RFC3: variants seen among roughly 807,000 people sequenced by gnomAD.
RFC3 encodes A1 38 kDa subunit.
Under a neutral mutation model 45.1 loss-of-function variants are expected in RFC3, and 41 were observed. That is an observed-to-expected ratio of 0.91 (90% CI 0.71 to 1.18). The LOEUF is 1.18. Among genes scored for constraint, RFC3 ranks in the 50% most tolerant of loss-of-function variants. RFC3 has a pLI of 0.00. For synonymous variants in RFC3, 149 were observed against 144.0 expected (o/e 1.03, Z -0.25); for missense variants, 423 against 428.1 (o/e 0.99, Z 0.10).
At chr13:33,965,327 T>A (rs191612691) in intron 8 of RFC3, among the ~76,000 whole-genome samples, 1 of 152,326 alleles carries the variant, frequency 6.6e-6, no homozygotes, top group East Asian at 1.9e-4. Context: ...ATTCTAATAC[T>A]GTATTTTTAT....
intron 8 of RFC3, among the ~76,000 whole-genome samples, chr13:33,873,375 G>A (rs1241196744): frequency 1.3e-5 from 2 of 152,198 alleles, no homozygotes; most frequent in Non-Finnish European, 2.9e-5. Flanking sequence ...ACCTGATAAA[G>A]TGGAAGATTA....
At chr13:33,972,071 G>A in the RFC3 span, among the ~76,000 whole-genome samples, 14 of 152,168 alleles carry the variant, frequency 9.2e-5, no homozygotes, top group African/African-American at 2.9e-4. Flanking sequence ...AGCCGAGATC[G>A]CACCACGGCA....
At chr13:33,923,605 C>T (rs1418938036) in intron 8 of RFC3, among the ~76,000 whole-genome samples, 1 of 152,034 alleles carries the variant, frequency 6.6e-6, no homozygotes, top group Non-Finnish European at 1.5e-5. Flanking sequence ...GGATTTTGAA[C>T]ATAGGGCTTG....
chr13:33,872,878 T>C (rs1593655503), intron 8 of RFC3, among the ~76,000 whole-genome samples: 1 of 141,878 alleles, frequency 7.0e-6, no homozygotes, highest in South Asian at 2.4e-4. Context: ...TCATTGGTGA[T>C]TGTTTCTCTC....
At chr13:33,969,910 G>T (rs60647673), downstream of RFC3, among the ~76,000 whole-genome samples, 665 of 130,366 alleles carry the variant, frequency 5.1e-3, 7 homozygotes, top group African/African-American at 0.016. Context: ...TGTCAGATTT[G>T]TTTTTTTTTT....
At chr13:33,892,552 G>A (rs1258495544) in intron 8 of RFC3, among the ~76,000 whole-genome samples, 1 of 151,892 alleles carries the variant, frequency 6.6e-6, no homozygotes, top group African/African-American at 2.4e-5. Flanking sequence ...CTTAAGATTT[G>A]TTACCTCACC....
Position 33,853,475 on chromosome 13 carries a change from A to G in RFC3, c.879+18258A>G, listed in dbSNP as rs370158981. On this transcript the variant is annotated intron_variant, in intron 8 of 8. Coordinates refer to the RFC3 transcript ENST00000434425. Reference sequence around the variant, plus strand: ...TGCCTGCAACTGGTTGCCTCCAATTATCCCATTTGCTCAAGAAAAGAAAAA... The same window carrying G: ...TGCCTGCAACTGGTTGCCTCCAATTGTCCCATTTGCTCAAGAAAAGAAAAA... Among the ~76,000 whole-genome samples the G allele has an allele frequency of 7.9e-5, 12 of 152,332 alleles. No homozygotes were observed. The South Asian group carries it at 2.3e-3, about 29-fold the overall frequency.
At chr13:33,882,941 T>C (rs2082495019) in intron 8 of RFC3, among the ~76,000 whole-genome samples, 1 of 152,234 alleles carries the variant, frequency 6.6e-6, no homozygotes, top group South Asian at 2.1e-4. Context: ...TTGTGTCCAT[T>C]TTTATTCCTT....
intron 8 of RFC3, among the ~76,000 whole-genome samples, chr13:33,900,223 C>T (rs572302562): frequency 6.6e-6 from 1 of 151,992 alleles, no homozygotes; most frequent in Non-Finnish European, 1.5e-5. Context: ...ACAGCTAAAG[C>T]AATCCCGAGA....
intron 2 of RFC3, among the ~76,000 whole-genome samples, chr13:33,822,957 A>G (rs1031383192): frequency 5.3e-5 from 8 of 152,198 alleles, no homozygotes; most frequent in African/African-American, 1.9e-4. Context: ...ATTTTTACAA[A>G]TTGGCAACAG....
chr13:33,860,561 G>A (rs188873188), intron 8 of RFC3, among the ~76,000 whole-genome samples: 9 of 151,988 alleles, frequency 5.9e-5, no homozygotes, highest in Admixed American at 5.9e-4. Context: ...CTTTGGATGT[G>A]TTTTTGCTTA....
intron 8 of RFC3, among the ~76,000 whole-genome samples, chr13:33,934,036 A>G (rs924455502): frequency 6.6e-6 from 1 of 152,072 alleles, no homozygotes; most frequent in African/African-American, 2.4e-5. Context: ...GAAAGGAAAG[A>G]GAAATTAAAT....
chr13:33,876,017 C>T (rs1308764775), intron 8 of RFC3, among the ~76,000 whole-genome samples: 2 of 152,144 alleles, frequency 1.3e-5, no homozygotes, highest in South Asian at 2.1e-4. Context: ...TTATCCTAAG[C>T]GTTAACTACT....
At chr13:33,907,102 A>G (rs1479315186) in intron 8 of RFC3, among the ~76,000 whole-genome samples, 1 of 152,060 alleles carries the variant, frequency 6.6e-6, no homozygotes, top group Non-Finnish European at 1.5e-5. Flanking sequence ...GGGATTACGT[A>G]CATGAGCCAC....
chr13:33,943,491 G>A (rs917857604), intron 8 of RFC3, among the ~76,000 whole-genome samples: 5 of 152,162 alleles, frequency 3.3e-5, no homozygotes, highest in Admixed American at 2.6e-4. Context: ...GATTAGGAAT[G>A]TTTCCAGCAC....
chr13:33,925,033 TATATATAGTGTACATATATATATACAC>T (rs1566030456), intron 8 of RFC3, among the ~76,000 whole-genome samples: 4 of 149,382 alleles, frequency 2.7e-5, no homozygotes, highest in Non-Finnish European at 5.9e-5. Context: ...TATATATACA[TATATATAGTGTACATATATATATACAC>T]ATATATAGTG....
chr13:33,908,786 C>T (rs756552641), intron 8 of RFC3, among the ~76,000 whole-genome samples: 2 of 151,968 alleles, frequency 1.3e-5, no homozygotes, highest in African/African-American at 2.4e-5. Flanking sequence ...ACCAGAAGAG[C>T]CAATGACATA....
intron 8 of RFC3, chr13:33,848,816 A>G (rs1011326166): frequency 3.3e-5 from 5 of 152,216 alleles, no homozygotes; most frequent in Non-Finnish European, 7.3e-5. Context: ...ATAATTCTTC[A>G]TACTCAACAT....
chr13:33,907,013 A>T (rs1184724133), intron 8 of RFC3, among the ~76,000 whole-genome samples: 1 of 152,008 alleles, frequency 6.6e-6, no homozygotes, highest in African/African-American at 2.4e-5. Flanking sequence ...AAATTTTTTT[A>T]TAGTGATAGG....
Sources: allele counts gnomAD v4.1 joint callset (sites outside exome capture counted in the v4.1 genomes callset), GRCh38; gene constraint gnomAD v4.1.1; transcripts MANE v1.5; gene names NCBI Gene and HGNC (gene_info 2026-07-23, HGNC 2026-07-21).